The following CEP295 variants were observed in gnomAD, a reference collection of about 807,000 sequenced individuals.
The protein encoded by CEP295 is centrosomal protein of 295 kDa.
In CEP295, 190 loss-of-function variants were observed where a neutral mutation model predicts 291.6. That is an observed-to-expected ratio of 0.65 (90% CI 0.58 to 0.73). The LOEUF (loss-of-function observed/expected upper bound fraction) is 0.73, where lower values mean the gene tolerates loss of function less well. Ranked by LOEUF, CEP295 falls within the 30% of genes least tolerant of loss-of-function variation. The pLI is 0.00. For missense variants in CEP295, 2,863 were observed against 2,949.4 expected, an observed-to-expected ratio of 0.97 and a Z score of 0.68; for synonymous variants, 993 against 1,038.8, an observed-to-expected ratio of 0.96 and a Z score of 0.85.
intron 6 of CEP295, 82 bp from the exon 7 acceptor site, chr11:93,679,329 TG>T (rs1392540485): frequency 1.8e-5 from 21 of 1,153,376 alleles, no homozygotes; most frequent in African/African-American, 3.1e-5. Context: ...GTAGAAAACA[TG>T]ATTTTAAGGT....
At chr11:93,689,912 G>C (rs1475848459) in intron 10 of CEP295, among the ~76,000 whole-genome samples, 1 of 152,180 alleles carries the variant, frequency 6.6e-6, no homozygotes, top group Non-Finnish European at 1.5e-5. Flanking sequence ...TTAAAGCCAT[G>C]GGCATAGAAA....
chr11:93,679,183 G>A (rs1239609378), intron 6 of CEP295, among the ~76,000 whole-genome samples: 1 of 152,148 alleles, frequency 6.6e-6, no homozygotes, highest in Non-Finnish European at 1.5e-5. Flanking sequence ...AAATGTGTTT[G>A]GAGGAGTATA....
intron 17 of CEP295, 83 bp downstream of exon 17, chr11:93,703,002 T>G: frequency 8.7e-7 from 1 of 1,154,234 alleles, no homozygotes; most frequent in Non-Finnish European, 1.2e-6. Flanking sequence ...CTTGCTCTGT[T>G]GCCCAGGCTG....
rs767615787 is a variant in CEP295, at chr11:93,675,576, C to G, written c.534C>G (p.Ile178Met). 2 of 1,470,864 alleles carry G rather than the reference C, an allele frequency of 1.4e-6. No homozygotes were observed. Among genetic ancestry groups the G allele is most frequent in the African/African-American group, 2.9e-5 (2 of 68,922 alleles). The allele number at this position is 1,470,864 out of a possible 1,614,324, so 91.1% of individuals were successfully genotyped here. Residue 178 changes from isoleucine (I) to methionine (M), a missense_variant, in exon 6 of 30, where the codon ATC becomes ATG. This residue lies in a region of CEP295 where 554 missense variants were observed against 576.0 expected (regional missense o/e 0.96). Transcript: ENST00000325212. ...TTTTATGTTCTCTTTTCCAGAACAT[C>G]GAAGTAAAAAGAATTTCTGCAGTCA... ...PPPPPTLFEN[I>M]EVKRISAVKT...
chr11:93,699,507 A>C lies in CEP295; in HGVS notation c.4595A>C (p.Gln1532Pro). The change falls in exon 15 of 30, where the codon CAA (glutamine) becomes CCA (proline). Residue 1532 changes from glutamine to proline, a missense_variant. Transcript: ENST00000325212. ...GAAGTCCAAGAAGAATTGCTTTTGCAAAGATTAAGTGAATTGGAGAAAAGG... is the reference window on the plus strand; with the variant it reads ...GAAGTCCAAGAAGAATTGCTTTTGCCAAGATTAAGTGAATTGGAGAAAAGG... ...IQEVQEELLL[Q>P]RLSELEKRVS... is the part of the protein sequence containing the mutation. 1 of 1,551,854 alleles carries C rather than the reference A, an allele frequency of 6.4e-7. No individual in the cohort carries two copies. The highest frequency in any genetic ancestry group is 1.2e-5 in the South Asian group (1 of 84,062).
chr11:93,715,029 G>T (rs1953143001), intron 18 of CEP295, among the ~76,000 whole-genome samples: 1 of 152,184 alleles, frequency 6.6e-6, no homozygotes, highest in Non-Finnish European at 1.5e-5. Context: ...AGGCCCTAGG[G>T]CTCTACAGTC....
intron 3 of CEP295, among the ~76,000 whole-genome samples, chr11:93,668,599 A>C (rs1950293101): frequency 6.6e-6 from 1 of 152,274 alleles, no homozygotes; most frequent in East Asian, 1.9e-4. Flanking sequence ...AATAATGTTA[A>C]TTGATTGCAT....
chr11:93,722,421 C>A, intron 20 of CEP295: 1 of 190,406 alleles, frequency 5.3e-6, no homozygotes, highest in Non-Finnish European at 1.1e-5. Context: ...ACAATCACGC[C>A]ACTGCACTCC....
chr11:93,700,317 C>A, intron 15 of CEP295, 131 bp downstream of exon 15: 1 of 842,408 alleles, frequency 1.2e-6, no homozygotes, highest in Non-Finnish European at 1.8e-6. Context: ...GATTTTTCAC[C>A]CTAAATGATG....
rs1950950811 is a variant in CEP295, at chr11:93,681,369, TGGG to T, written c.765+1818_765+1820del. On this transcript the variant is annotated intron_variant, in intron 7 of 29. Coordinates refer to ENST00000325212, the MANE Select transcript of CEP295 (RefSeq NM_033395.2). ...CTCCTGCCTCAGCCTCCTAAGTAGC[TGGG>T]ACTACAGGCTCGCGTCACCACACCC... Among the ~76,000 whole-genome samples the T allele has an allele frequency of 3.7e-4, 53 of 142,464 alleles. 1 individual carries two copies. In the Admixed American group the frequency reaches 3.9e-3, roughly 11 times the overall value. The allele number at this position is 142,464 out of a possible 152,430, so 93.5% of individuals were successfully genotyped here.
intron 9 of CEP295, 143 bp downstream of exon 9, chr11:93,684,271 C>T (rs4753098): frequency 0.96 from 577,425 of 598,672 alleles, 279,962 homozygotes; most frequent in Non-Finnish European, 0.99. Context: ...AAGGATACAA[C>T]GTTTTTATAT....
chr11:93,721,105 G>A (rs570343996), intron 18 of CEP295, among the ~76,000 whole-genome samples: 100 of 152,232 alleles, frequency 6.6e-4, no homozygotes, highest in Admixed American at 5.6e-3. Flanking sequence ...AGTTTTCCAG[G>A]AAAAAGTATA....
At chr11:93,701,785 G>A (rs1952179728) in intron 15 of CEP295, among the ~76,000 whole-genome samples, 1 of 151,780 alleles carries the variant, frequency 6.6e-6, no homozygotes, top group African/African-American at 2.4e-5. Flanking sequence ...TGTATTTTTT[G>A]TAGAGACAGG....
chr11:93,691,713 C>G lies in CEP295; in HGVS notation c.1367C>G (p.Ser456Cys). 1.9e-6 allele frequency: 3 copies of G among 1,546,414 alleles called. No individual in the cohort carries two copies. The highest frequency in any genetic ancestry group is 2.6e-6 in the Non-Finnish European group (3 of 1,144,354). The change falls in exon 11 of 30, where the codon TCT (serine) becomes TGT (cysteine). Residue 456 changes from serine to cysteine, a missense_variant. Around this residue, in one of 3 missense-constraint regions of CEP295, gnomAD observed 554 missense variants for 576.0 expected, o/e 0.96. Transcript: ENST00000325212. ...VVESDTLTIE[S>C]GPLASEDKPL... ...GAAAGTGATACACTAACAATTGAGT[C>G]TGGACCACTTGCTAGTGAAGATAAA...
chr11:93,695,480 A>C lies in CEP295; in HGVS notation c.1534-17A>C, dbSNP rs750570730. 130 of 1,410,166 alleles carry C rather than the reference A, an allele frequency of 9.2e-5. No homozygotes were observed. Among genetic ancestry groups the C allele is most frequent in the Non-Finnish European group, 1.1e-4 (123 of 1,080,546 alleles). 87.4% of individuals were successfully genotyped at this position (1,410,166 alleles called of 1,614,324 possible). Reference sequence around the variant, plus strand: ...ATGAGTTTGTTGTTAATAGATCAATAGTATTTTGTTACCTAGATAATGGAA... The same window carrying C: ...ATGAGTTTGTTGTTAATAGATCAATCGTATTTTGTTACCTAGATAATGGAA... On this transcript the variant is annotated splice_polypyrimidine_tract_variant and intron_variant, in intron 12 of 29. Transcript: ENST00000325212.
chr11:93,708,864 G>A (rs1246848993), intron 18 of CEP295, among the ~76,000 whole-genome samples: 1 of 152,140 alleles, frequency 6.6e-6, no homozygotes, highest in Non-Finnish European at 1.5e-5. Context: ...ATATCTCAAA[G>A]TAGTTTTGAT....
At chr11:93,729,026 T>C in intron 25 of CEP295, 1 of 537,798 alleles carries the variant, frequency 1.9e-6, no homozygotes, top group East Asian at 3.0e-5. Flanking sequence ...CTCCAATTTA[T>C]GCCTGTCTCC....
At chr11:93,703,127 C>A (rs1952280075) in intron 17 of CEP295, among the ~76,000 whole-genome samples, 1 of 152,068 alleles carries the variant, frequency 6.6e-6, no homozygotes, top group South Asian at 2.1e-4. Flanking sequence ...CCACACCCAG[C>A]TAATTTTTGT....
intron 18 of CEP295, among the ~76,000 whole-genome samples, chr11:93,715,455 C>T (rs987219286): frequency 7.9e-5 from 12 of 152,102 alleles, no homozygotes; most frequent in Non-Finnish European, 1.6e-4. Context: ...TCGGGGACTC[C>T]AAGATCCCAC....
Sources: allele counts gnomAD v4.1 joint callset (sites outside exome capture counted in the v4.1 genomes callset), GRCh38; gene constraint gnomAD v4.1.1; regional missense constraint gnomAD v4.1.1; transcripts MANE v1.5; gene names NCBI Gene and HGNC (gene_info 2026-07-23, HGNC 2026-07-21).